Variants in DOCK10 observed in about 807,000 individuals in gnomAD.
DOCK10 encodes the protein dedicator of cytokinesis protein 10.
In DOCK10, 145 loss-of-function variants were observed where a neutral mutation model predicts 280.1. The ratio of observed to expected loss-of-function variants is 0.52; its 90% CI spans 0.45 to 0.59. DOCK10 has a LOEUF of 0.59. Among genes scored for constraint, DOCK10 ranks in the 20% least tolerant of loss-of-function variants. The probability of loss-of-function intolerance (pLI) is 0.00; values close to 1 mark genes in which losing one functional copy is unlikely to be tolerated. For synonymous variants in DOCK10, 915 were observed against 942.2 expected, an observed-to-expected ratio of 0.97 and a Z score of 0.53; for missense variants, 2,368 against 2,651.7, an observed-to-expected ratio of 0.89 and a Z score of 2.35.
chr2:224,940,477 G>A (rs562814943), intron 1 of DOCK10, among the ~76,000 whole-genome samples: 7 of 152,278 alleles, frequency 4.6e-5, no homozygotes, highest in African/African-American at 1.7e-4. Context: ...TTTAGCTAAT[G>A]ACTTCTGTCT....
chr2:225,035,574 A>ATATATATATATATATATAT (rs1690229915), intron 1 of DOCK10, among the ~76,000 whole-genome samples: 1 of 78,080 alleles, frequency 1.3e-5, no homozygotes, highest in Non-Finnish European at 2.5e-5. Context: ...ATATATATAT[A>ATATATATATATATATATAT]TATATATATA....
At chr2:224,896,274 G>A (rs1316638145) in intron 4 of DOCK10, 21 bp downstream of exon 4, 1 of 1,438,168 alleles carries the variant, frequency 7.0e-7, no homozygotes, top group Admixed American at 1.8e-5. Context: ...AGACCAATAA[G>A]TGCTCATAAC....
chr2:225,035,543 T>A (rs4101553), intron 1 of DOCK10, among the ~76,000 whole-genome samples: 8 of 15,082 alleles, frequency 5.3e-4, no homozygotes, highest in South Asian at 3.3e-3. Context: ...TGATATATAT[T>A]ATATATATAT....
chr2:225,018,552 A>G (rs1301505441), intron 1 of DOCK10, among the ~76,000 whole-genome samples: 2 of 9,518 alleles, frequency 2.1e-4, no homozygotes, highest in African/African-American at 4.0e-4. Flanking sequence ...ATATATATAT[A>G]ATATATATGT....
intron 3 of DOCK10, among the ~76,000 whole-genome samples, chr2:224,906,460 C>T (rs1022750922): frequency 6.6e-6 from 1 of 151,976 alleles, no homozygotes; most frequent in African/African-American, 2.4e-5. Context: ...TGTTTATCTT[C>T]ATTTATTTAT....
chr2:224,961,538 C>G (rs190856199), intron 1 of DOCK10, among the ~76,000 whole-genome samples: 24 of 147,366 alleles, frequency 1.6e-4, no homozygotes, highest in Non-Finnish European at 3.3e-4. Flanking sequence ...GACGGAGCCT[C>G]GCTCTGTTGC....
At chr2:224,941,717 GC>G (rs1297058805) in intron 1 of DOCK10, among the ~76,000 whole-genome samples, 28 of 151,944 alleles carry the variant, frequency 1.8e-4, no homozygotes, top group Admixed American at 1.7e-3. Flanking sequence ...GGTGGCATGC[GC>G]CTGCAATCCC....
chr2:224,913,985 C>T (rs1175387118), intron 3 of DOCK10, among the ~76,000 whole-genome samples: 1 of 152,174 alleles, frequency 6.6e-6, no homozygotes, highest in South Asian at 2.1e-4. Context: ...GATCCGCCTG[C>T]CTTGGCCTCC....
At chr2:224,917,101 CTTT>C (rs58223345) in intron 2 of DOCK10, among the ~76,000 whole-genome samples, 151 of 95,768 alleles carry the variant, frequency 1.6e-3, no homozygotes, top group Non-Finnish European at 2.3e-3. Context: ...CTATTGGAAT[CTTT>C]TTTTTTTTTT....
At chr2:224,879,791 T>G (rs1007808379) in intron 7 of DOCK10, among the ~76,000 whole-genome samples, 5 of 151,638 alleles carry the variant, frequency 3.3e-5, no homozygotes, top group Admixed American at 3.3e-4. Context: ...AAGAAAGAAA[T>G]AGACACTCAT....
chr2:224,905,295 C>T (rs1205719095), intron 3 of DOCK10, among the ~76,000 whole-genome samples: 1 of 110,106 alleles, frequency 9.1e-6, no homozygotes, highest in Non-Finnish European at 1.6e-5. Context: ...GGCCGGACTG[C>T]GGACTGCAGC....
At chr2:224,991,258 T>C (rs971177809) in intron 1 of DOCK10, among the ~76,000 whole-genome samples, 6 of 152,102 alleles carry the variant, frequency 3.9e-5, no homozygotes, top group Non-Finnish European at 7.4e-5. Context: ...TTCAGAGCAA[T>C]GAGCATGAGT....
intron 1 of DOCK10, among the ~76,000 whole-genome samples, chr2:224,996,648 C>T (rs1042865787): frequency 1.3e-5 from 2 of 152,172 alleles, no homozygotes; most frequent in African/African-American, 4.8e-5. Context: ...ATAAGAAAAT[C>T]CATGTGAAAT....
intron 1 of DOCK10, among the ~76,000 whole-genome samples, chr2:225,015,075 G>C (rs755107759): frequency 1.3e-5 from 2 of 152,210 alleles, no homozygotes; most frequent in Non-Finnish European, 2.9e-5. Flanking sequence ...CCTGGGAACA[G>C]GAGGATGGGG....
intron 1 of DOCK10, among the ~76,000 whole-genome samples, chr2:224,964,510 CTTT>C (rs1704623304): frequency 1.3e-5 from 2 of 149,198 alleles, no homozygotes; most frequent in African/African-American, 5.0e-5. Flanking sequence ...TTTCTTTTTT[CTTT>C]TTTTAAATAG....
At chr2:225,013,965 C>A (rs879717898) in intron 1 of DOCK10, among the ~76,000 whole-genome samples, 1 of 151,900 alleles carries the variant, frequency 6.6e-6, no homozygotes. Flanking sequence ...ATTTAAGAGC[C>A]TTTCATATTT....
intron 2 of DOCK10, among the ~76,000 whole-genome samples, chr2:224,920,959 A>G (rs1308228048): frequency 1.3e-5 from 2 of 150,912 alleles, no homozygotes; most frequent in African/African-American, 4.9e-5. Flanking sequence ...TCTGTGACAT[A>G]ATAAAATAAA....
intron 4 of DOCK10, among the ~76,000 whole-genome samples, chr2:224,887,971 A>G (rs931065147): frequency 6.6e-6 from 1 of 152,174 alleles, no homozygotes; most frequent in Non-Finnish European, 1.5e-5. Context: ...GTGAGAATGT[A>G]GATTGCTACA....
chr2:224,930,950 CA>C (rs1279225000), intron 2 of DOCK10, among the ~76,000 whole-genome samples: 1 of 152,156 alleles, frequency 6.6e-6, no homozygotes, highest in African/African-American at 2.4e-5. Flanking sequence ...TGTTTGTCTC[CA>C]AAGCGAATTT....
Sources: gnomAD v4.1 joint callset for allele counts (sites outside exome capture counted in the v4.1 genomes callset) on GRCh38, gnomAD v4.1.1 for gene constraint, MANE v1.5 for transcripts, NCBI Gene and HGNC (gene_info 2026-07-23, HGNC 2026-07-21) for gene names.